TOM1L2: variants seen among roughly 807,000 people sequenced by gnomAD.
The protein encoded by TOM1L2 is TOM1-like protein 2.
TOM1L2 carries 31 observed loss-of-function variants against 67.9 expected under a neutral mutation model. The ratio of observed to expected loss-of-function variants is 0.46; its 90% CI spans 0.34 to 0.62. The LOEUF (loss-of-function observed/expected upper bound fraction) is 0.62. Among genes scored for constraint, TOM1L2 ranks in the 20% least tolerant of loss-of-function variants. TOM1L2 has a pLI of 0.01. For missense variants in TOM1L2, 606 were observed against 663.5 expected, an observed-to-expected ratio of 0.91 and a Z score of 0.95; for synonymous variants, 256 against 254.0, an observed-to-expected ratio of 1.01 and a Z score of -0.07.
intron 1 of TOM1L2, among the ~76,000 whole-genome samples, chr17:17,914,241 G>A (rs1488741149): frequency 2.0e-5 from 3 of 152,164 alleles, no homozygotes; most frequent in Non-Finnish European, 4.4e-5. Context: ...CAGCACACCT[G>A]GGGCTCATTC....
chr17:17,848,615 A>G (rs571241214), intron 14 of TOM1L2, among the ~76,000 whole-genome samples: 1 of 152,324 alleles, frequency 6.6e-6, no homozygotes, highest in East Asian at 1.9e-4. Context: ...GTTCTTTCTG[A>G]CCTGTTTCCC....
chr17:17,954,950 C>T (rs1242414722), intron 1 of TOM1L2, among the ~76,000 whole-genome samples: 1 of 152,094 alleles, frequency 6.6e-6, no homozygotes, highest in African/African-American at 2.4e-5. Context: ...ATTTGCTCAG[C>T]CCCTTCCTGA....
At position 17,938,380 on chromosome 17, in the gene TOM1L2, C is replaced by A. The variant is rs540864622; in HGVS notation, c.53-30849G>T. On this transcript the variant is annotated intron_variant, in intron 1 of 14. Coordinates refer to ENST00000379504, the MANE Select transcript of TOM1L2 (RefSeq NM_001082968.2). Reference sequence around the variant, plus strand: ...CCTTCTACCTCTTAGACCCTTGGTGCCTTTGATTTCACTGCAGTGGCCTGA... The same window carrying A: ...CCTTCTACCTCTTAGACCCTTGGTGACTTTGATTTCACTGCAGTGGCCTGA... 5.9e-5 allele frequency among the ~76,000 whole-genome samples: 9 copies of A among 152,272 alleles called. 1 individual carries two copies. The South Asian group carries it at 1.9e-3, about 32-fold the overall frequency.
chr17:17,861,565 A>G lies in TOM1L2; in HGVS notation c.1203-14T>C. ...TCATAGGTTACCCTGGAGATGAAGA[A>G]GCAGCACAAGCAGAGTTCATTTTCC... On this transcript the variant is annotated splice_polypyrimidine_tract_variant and intron_variant, in intron 11 of 14. Coordinates refer to ENST00000379504, the MANE Select transcript of TOM1L2 (RefSeq NM_001082968.2). 6.2e-7 allele frequency: 1 copy of G among 1,613,384 alleles called. No individual in the cohort carries two copies. Among genetic ancestry groups the G allele is most frequent in the East Asian group, 2.2e-5 (1 of 44,876 alleles).
At position 17,924,249 on chromosome 17, in the gene TOM1L2, G is replaced by A. The variant is rs988020049; in HGVS notation, c.53-16718C>T. On this transcript the variant is annotated intron_variant, in intron 1 of 14. Transcript: ENST00000379504. The stretch of plus-strand genomic sequence containing the variant: ...ACAGAAAATAGATTAGTGATTGCCT[G>A]GGGTTGGAAGGGCTGGGGGAAATGG... Among the ~76,000 whole-genome samples, 5 of 152,290 alleles carry A rather than the reference G, an allele frequency of 3.3e-5. No homozygotes were observed. In the South Asian group the frequency reaches 1.0e-3, roughly 32 times the overall value.
chr17:17,849,289 G>A (rs2035827247), intron 13 of TOM1L2, among the ~76,000 whole-genome samples: 1 of 152,164 alleles, frequency 6.6e-6, no homozygotes, highest in Non-Finnish European at 1.5e-5. Context: ...CCCACTCACT[G>A]CCAGCCACAG....
At chr17:17,911,474 C>T (rs1235292910) in intron 1 of TOM1L2, among the ~76,000 whole-genome samples, 1 of 152,136 alleles carries the variant, frequency 6.6e-6, no homozygotes, top group African/African-American at 2.4e-5. Context: ...TGTGTTTCTG[C>T]TGTTGCACCA....
At position 17,882,722 on chromosome 17, in the gene TOM1L2, T is replaced by C; in HGVS notation, c.643A>G (p.Thr215Ala). The C allele has an allele frequency of 6.2e-7, 1 of 1,614,122 alleles. No homozygotes were observed. The highest frequency in any genetic ancestry group is 1.1e-5 in the South Asian group (1 of 91,080). ...GCAAGTACCTGTTCTGAATTGGCTG[T>C]GATGGGGCCAGTCACACTCAGAGCT... ...APALSVTGPI[T>A]ANSEQIARLR... The change falls in exon 6 of 15, where the codon ACA (threonine) becomes GCA (alanine). Residue 215 changes from threonine (T) to alanine (A), a missense_variant. Transcript: ENST00000379504.
intron 3 of TOM1L2, among the ~76,000 whole-genome samples, chr17:17,894,749 G>A (rs1005734092): frequency 2.0e-5 from 3 of 152,192 alleles, no homozygotes; most frequent in Admixed American, 6.5e-5. Flanking sequence ...TAGCCAACAC[G>A]GCGAAGCCCT....
At chr17:17,949,785 C>G (rs992497915) in intron 1 of TOM1L2, among the ~76,000 whole-genome samples, 1 of 152,228 alleles carries the variant, frequency 6.6e-6, no homozygotes, top group African/African-American at 2.4e-5. Context: ...TGCAGATCAC[C>G]AGTGGGCAAG....
intron 12 of TOM1L2, chr17:17,859,378 C>G (rs920889383): frequency 9.9e-5 from 15 of 152,236 alleles, no homozygotes; most frequent in African/African-American, 3.6e-4. Context: ...CCCAGCCTTC[C>G]CCTTTTTTAT....
intron 1 of TOM1L2, among the ~76,000 whole-genome samples, chr17:17,937,203 G>A (rs995044734): frequency 2.6e-5 from 4 of 152,202 alleles, no homozygotes; most frequent in Non-Finnish European, 4.4e-5. Context: ...TATTCAACAT[G>A]AACCCTTCCT....
chr17:17,870,429 G>A (rs776385948), intron 7 of TOM1L2, among the ~76,000 whole-genome samples: 22 of 152,184 alleles, frequency 1.4e-4, no homozygotes, highest in Non-Finnish European at 2.5e-4. Context: ...CTACAGAGGA[G>A]GGAGCTGGCA....
intron 13 of TOM1L2, among the ~76,000 whole-genome samples, chr17:17,849,520 A>G (rs1162903713): frequency 6.6e-6 from 1 of 152,252 alleles, no homozygotes; most frequent in Admixed American, 6.5e-5. Flanking sequence ...TCAAGGAGCC[A>G]TGGAGGCTCT....
chr17:17,941,090 C>T (rs2040716237), intron 1 of TOM1L2, among the ~76,000 whole-genome samples: 1 of 152,186 alleles, frequency 6.6e-6, no homozygotes, highest in Non-Finnish European at 1.5e-5. Flanking sequence ...TACTGGAGAC[C>T]ATTTCTCCAG....
In TOM1L2 at chr17:17,860,766, A is replaced by G. The variant is rs569793169; in HGVS notation, c.1278+710T>C. ...CAAAAACAAAAATCTCATGAGAAGCATTAAGACACACATTCTTTCCCCTTC... is the reference window on the plus strand; with the variant it reads ...CAAAAACAAAAATCTCATGAGAAGCGTTAAGACACACATTCTTTCCCCTTC... On this transcript the variant is annotated intron_variant, in intron 12 of 14. Transcript: ENST00000379504. Among the ~76,000 whole-genome samples the G allele has an allele frequency of 1.2e-3, 189 of 152,368 alleles. 1 individual carries two copies. The highest frequency in any genetic ancestry group is 2.3e-3 in the Non-Finnish European group (156 of 68,030).
At chr17:17,878,598 G>A (rs2037546193) in intron 7 of TOM1L2, among the ~76,000 whole-genome samples, 1 of 152,234 alleles carries the variant, frequency 6.6e-6, no homozygotes, top group African/African-American at 2.4e-5. Context: ...TGTGCCAGCA[G>A]CAGGGTAGAA....
intron 1 of TOM1L2, among the ~76,000 whole-genome samples, chr17:17,949,994 C>A (rs1283087111): frequency 2.0e-5 from 3 of 152,130 alleles, no homozygotes; most frequent in Non-Finnish European, 4.4e-5. Context: ...CCTCAGCCTC[C>A]CGAGTAGCTG....
chr17:17,875,574 C>A (rs749661601), intron 7 of TOM1L2, among the ~76,000 whole-genome samples: 19 of 152,212 alleles, frequency 1.2e-4, no homozygotes, highest in Non-Finnish European at 2.6e-4. Context: ...GGCCTTCTCC[C>A]ATTTCTGGTC....
Sources: gnomAD v4.1 joint callset for allele counts (sites outside exome capture counted in the v4.1 genomes callset) on GRCh38, gnomAD v4.1.1 for gene constraint, MANE v1.5 for transcripts, NCBI Gene and HGNC (gene_info 2026-07-23, HGNC 2026-07-21) for gene names.